ADIPOR2: variants seen among roughly 807,000 people sequenced by gnomAD.
ADIPOR2 encodes the protein adiponectin receptor protein 2.
ADIPOR2 carries 18 observed loss-of-function variants against 40.9 expected under a neutral mutation model. That is an observed-to-expected ratio of 0.44 (90% CI 0.30 to 0.65). The LOEUF (loss-of-function observed/expected upper bound fraction) is 0.65, where lower values mean the gene tolerates loss of function less well. Ranked by LOEUF, ADIPOR2 falls within the 30% of genes least tolerant of loss-of-function variation. The pLI is 0.09. For missense variants in ADIPOR2, 283 were observed against 479.2 expected (o/e 0.59, Z 3.82); for synonymous variants, 165 against 166.4 (o/e 0.99, Z 0.06).
intron 1 of ADIPOR2, among the ~76,000 whole-genome samples, chr12:1,728,582 G>A (rs1017035978): frequency 6.6e-6 from 1 of 151,752 alleles, no homozygotes; most frequent in African/African-American, 2.4e-5. Context: ...AAATTAGCCG[G>A]GCGTGGTGGT....
rs2094659899 is a variant in ADIPOR2, at chr12:1,705,304, A to AT, written c.-87+14118dup. On this transcript the variant is annotated intron_variant, in intron 1 of 7. Transcript: ENST00000357103. ...TTTGGCACAAAATATATAATCCTAG[A>AT]TTTTTCAGGATTTCCCTGACTTTAA... 3.3e-5 allele frequency among the ~76,000 whole-genome samples: 5 copies of AT among 152,232 alleles called. No homozygotes were observed. In the East Asian group the frequency reaches 7.7e-4, roughly 23 times the overall value.
chr12:1,750,147 A>G (rs2094765809), intron 1 of ADIPOR2, among the ~76,000 whole-genome samples: 1 of 152,078 alleles, frequency 6.6e-6, no homozygotes, highest in Admixed American at 6.6e-5. Flanking sequence ...TTTTTAGCAT[A>G]TAGGGCCTAT....
chr12:1,778,094 G>T, intron 4 of ADIPOR2, 69 bp downstream of exon 4: 1 of 1,492,068 alleles, frequency 6.7e-7, no homozygotes, highest in Non-Finnish European at 9.0e-7. Context: ...TGTATTTGAG[G>T]GTAAGCACAG....
rs1226359358 is a variant in ADIPOR2, at chr12:1,786,018, C to T, written c.1107C>T (p.Leu369=). 1 of 1,614,028 alleles carries T rather than the reference C, an allele frequency of 6.2e-7. No individual in the cohort carries two copies. Among genetic ancestry groups the T allele is most frequent in the Non-Finnish European group, 8.5e-7 (1 of 1,180,034 alleles). ...TTCACTTCCATGGTGTCTCAAACCT[C>T]CAGGAGTTTCGTTTCATGATCGGCG... ...AFVHFHGVSN[L]QEFRFMIGGG... The change falls in exon 8 of 8, where the codon CTC becomes CTT. Residue 369 remains leucine, a synonymous_variant. Coordinates refer to ENST00000357103, the MANE Select transcript of ADIPOR2 (RefSeq NM_024551.3).
At chr12:1,707,288 A>G (rs2094665436) in intron 1 of ADIPOR2, among the ~76,000 whole-genome samples, 1 of 152,172 alleles carries the variant, frequency 6.6e-6, no homozygotes, top group Non-Finnish European at 1.5e-5. Flanking sequence ...TAGGAGTAGA[A>G]TAGCTGAGTC....
intron 1 of ADIPOR2, among the ~76,000 whole-genome samples, chr12:1,720,784 G>C (rs970608197): frequency 3.9e-5 from 6 of 152,154 alleles, no homozygotes; most frequent in African/African-American, 1.4e-4. Context: ...CTGTATAGGA[G>C]TTGTGAAAGG....
intron 2 of ADIPOR2, among the ~76,000 whole-genome samples, chr12:1,759,527 C>T (rs1472752148): frequency 1.3e-5 from 2 of 152,148 alleles, no homozygotes; most frequent in African/African-American, 4.8e-5. Flanking sequence ...GCATTACAGA[C>T]TGTGGTATCT....
At chr12:1,766,976 A>G (rs909878577) in intron 2 of ADIPOR2, among the ~76,000 whole-genome samples, 4 of 152,222 alleles carry the variant, frequency 2.6e-5, no homozygotes, top group Non-Finnish European at 5.9e-5. Flanking sequence ...AAGAAATTCA[A>G]TTAAGATTAG....
In ADIPOR2 at chr12:1,712,256, G is replaced by T. The variant is rs535780312; in HGVS notation, c.-87+21065G>T. On this transcript the variant is annotated intron_variant, in intron 1 of 7. Transcript: ENST00000357103. ...TGGTTCCCCATCCTCTGGGAGAAAA[G>T]TGGCAGGGTTGAGAGCCGCACAGAT... Among the ~76,000 whole-genome samples the T allele has an allele frequency of 3.9e-5, 6 of 152,220 alleles. No individual in the cohort carries two copies. In the South Asian group the frequency reaches 6.2e-4, roughly 16 times the overall value.
In ADIPOR2 at chr12:1,781,069, A is replaced by G; in HGVS notation, c.831A>G (p.Val277=). The change falls in exon 6 of 8, where the codon GTA becomes GTG. Residue 277 remains valine, a synonymous_variant. Transcript: ENST00000357103. ...TTGCCACCCCTCAGTATCGGGGAGT[A>G]AGAGCAGGTAAGAGCACGGGGAGGT... is the stretch of plus-strand genomic sequence containing the variant. ...DMFATPQYRG[V]RAGVFLGLGL... 6.3e-7 allele frequency: 1 copy of G among 1,587,414 alleles called. No individual in the cohort carries two copies. Among genetic ancestry groups the G allele is most frequent in the Non-Finnish European group, 8.6e-7 (1 of 1,168,940 alleles).
chr12:1,719,183 A>G (rs1318776333), intron 1 of ADIPOR2, among the ~76,000 whole-genome samples: 1 of 152,100 alleles, frequency 6.6e-6, no homozygotes, highest in Non-Finnish European at 1.5e-5. Flanking sequence ...TTTCTACTCA[A>G]AAAGGTTCTG....
At chr12:1,713,943 A>G (rs1167942084) in intron 1 of ADIPOR2, among the ~76,000 whole-genome samples, 1 of 152,028 alleles carries the variant, frequency 6.6e-6, no homozygotes, top group Non-Finnish European at 1.5e-5. Flanking sequence ...CTGGCCCTCA[A>G]TGGTTAAACA....
chr12:1,743,824 T>G (rs2094748951), intron 1 of ADIPOR2, among the ~76,000 whole-genome samples: 1 of 152,204 alleles, frequency 6.6e-6, no homozygotes, highest in Non-Finnish European at 1.5e-5. Context: ...AATAGGCTTT[T>G]CTATGTTATA....
At chr12:1,755,221 A>G (rs1053123110) in intron 2 of ADIPOR2, among the ~76,000 whole-genome samples, 9 of 151,980 alleles carry the variant, frequency 5.9e-5, no homozygotes, top group Non-Finnish European at 1.5e-5. Context: ...CTGGGATTAC[A>G]GGCACCTGCC....
At position 1,777,872 on chromosome 12, in the gene ADIPOR2, C is replaced by T. The variant is rs1862631910; in HGVS notation, c.310C>T (p.Arg104Ter). Reference sequence around the variant, plus strand: ...CTGCCAGGTATGGGAAGGTCGGTGGCGAGTGATCCCTCATGATGTACTACC... The same window carrying T: ...CTGCCAGGTATGGGAAGGTCGGTGGTGAGTGATCCCTCATGATGTACTACC... ...FVCKVWEGRW[R>*]VIPHDVLPDW... The change falls in exon 4 of 8, where the codon CGA becomes TGA. Residue 104 changes from arginine to a stop codon, truncating the protein, a stop_gained. Coordinates refer to ENST00000357103, the MANE Select transcript of ADIPOR2 (RefSeq NM_024551.3). LOFTEE classifies it high-confidence loss of function. The T allele has an allele frequency of 2.5e-6, 4 of 1,610,994 alleles. No homozygotes were observed. The highest frequency in any genetic ancestry group is 1.7e-5 in the Admixed American group (1 of 59,316).
intron 1 of ADIPOR2, among the ~76,000 whole-genome samples, chr12:1,727,709 G>C (rs1258596752): frequency 6.6e-6 from 1 of 151,970 alleles, no homozygotes; most frequent in African/African-American, 2.4e-5. Context: ...CCTACTCAAG[G>C]CCCTTTCAGT....
At chr12:1,715,227 A>C (rs2094685179) in intron 1 of ADIPOR2, among the ~76,000 whole-genome samples, 1 of 152,130 alleles carries the variant, frequency 6.6e-6, no homozygotes, top group Admixed American at 6.5e-5. Flanking sequence ...CTTGGACATA[A>C]GGTATTTCAC....
chr12:1,758,522 G>A (rs981763298), intron 2 of ADIPOR2, among the ~76,000 whole-genome samples: 1 of 152,162 alleles, frequency 6.6e-6, no homozygotes, highest in Non-Finnish European at 1.5e-5. Flanking sequence ...CTTTGGAGTT[G>A]AAGTTGTTTG....
chr12:1,775,961 T>C (rs983967037), intron 3 of ADIPOR2, among the ~76,000 whole-genome samples: 13 of 152,234 alleles, frequency 8.5e-5, no homozygotes, highest in African/African-American at 2.9e-4. Context: ...GATTAGTCTT[T>C]TGGCATTATT....
Sources: allele counts gnomAD v4.1 joint callset (sites outside exome capture counted in the v4.1 genomes callset), GRCh38; gene constraint gnomAD v4.1.1; transcripts MANE v1.5; gene names NCBI Gene and HGNC (gene_info 2026-07-23, HGNC 2026-07-21).